The following LRRTM4 variants were observed in gnomAD, a reference collection of about 807,000 sequenced individuals.
LRRTM4 encodes the protein leucine rich repeat transmembrane neuronal 4.
A neutral mutation model predicts 47.6 loss-of-function variants in LRRTM4; 25 were observed. That is an observed-to-expected ratio of 0.53 (90% CI 0.38 to 0.73). LRRTM4 has a LOEUF of 0.73. Ranked by LOEUF, LRRTM4 falls within the 30% of genes least tolerant of loss-of-function variation. The pLI is 0.00. For synonymous variants in LRRTM4, 311 were observed against 269.5 expected (o/e 1.15, Z -1.51); for missense variants, 638 against 713.4 (o/e 0.89, Z 1.20).
At chr2:77,006,269 T>C (rs1677642079) in intron 3 of LRRTM4, among the ~76,000 whole-genome samples, 1 of 152,142 alleles carries the variant, frequency 6.6e-6, no homozygotes. Context: ...CCTAACACTT[T>C]GGGAATCTAA....
At chr2:77,017,113 T>G (rs1490379639) in intron 3 of LRRTM4, among the ~76,000 whole-genome samples, 1 of 152,138 alleles carries the variant, frequency 6.6e-6, no homozygotes, top group Non-Finnish European at 1.5e-5. Flanking sequence ...TTGATAACCC[T>G]TAAGTATCAT....
intron 3 of LRRTM4, among the ~76,000 whole-genome samples, chr2:77,170,614 G>A (rs1673019397): frequency 6.6e-6 from 1 of 152,078 alleles, no homozygotes; most frequent in Non-Finnish European, 1.5e-5. Flanking sequence ...CTAATACATG[G>A]TCATTTTTCC....
At chr2:77,025,836 T>A (rs868724056) in intron 3 of LRRTM4, among the ~76,000 whole-genome samples, 1 of 152,184 alleles carries the variant, frequency 6.6e-6, no homozygotes, top group Non-Finnish European at 1.5e-5. Context: ...TGCCATTTTA[T>A]CAACAGTTAT....
intron 3 of LRRTM4, among the ~76,000 whole-genome samples, chr2:77,159,781 G>A (rs909816702): frequency 2.6e-5 from 4 of 151,618 alleles, no homozygotes; most frequent in African/African-American, 9.7e-5. Flanking sequence ...CATGATTTCT[G>A]TATGACTTTT....
chr2:77,372,741 T>G (rs1482474885), intron 3 of LRRTM4, among the ~76,000 whole-genome samples: 2 of 151,690 alleles, frequency 1.3e-5, no homozygotes, highest in Non-Finnish European at 3.0e-5. Flanking sequence ...CTATTTCATT[T>G]TAAGCCAAGA....
At chr2:77,075,775 C>T (rs951140979) in intron 3 of LRRTM4, among the ~76,000 whole-genome samples, 5 of 149,336 alleles carry the variant, frequency 3.3e-5, no homozygotes, top group Admixed American at 1.3e-4. Context: ...ATTAGCCGGG[C>T]GTAGTGGCGG....
chr2:77,356,779 T>C lies in LRRTM4; in HGVS notation c.1551+161539A>G, dbSNP rs191882339. ...GTCCAAACACCAGGGCCAATTAGTA[T>C]TGTGATTTTATATGTTATCTCTCAA... On this transcript the variant is annotated intron_variant, in intron 3 of 3. Transcript: ENST00000409884. Among the ~76,000 whole-genome samples, 114 of 152,276 alleles carry C rather than the reference T, an allele frequency of 7.5e-4. 1 individual carries two copies. Among genetic ancestry groups the C allele is most frequent in the East Asian group, 2.7e-3 (14 of 5,176 alleles).
In LRRTM4 at chr2:76,798,995, G is replaced by T. The variant is rs1360419986; in HGVS notation, c.1552-50079C>A. Among the ~76,000 whole-genome samples, 1,443 of 150,674 alleles carry T rather than the reference G, an allele frequency of 9.6e-3. 24 individuals carry two copies. The highest frequency in any genetic ancestry group is 0.032 in the African/African-American group (1,312 of 40,904). ...ACCAAAAAGAGTCCAGGACCAGATG[G>T]ATTCACAGCCGAATTCTACCAGAGG... On this transcript the variant is annotated intron_variant, in intron 3 of 3. Coordinates refer to ENST00000409884, the MANE Select transcript of LRRTM4 (RefSeq NM_001134745.3).
intron 3 of LRRTM4, among the ~76,000 whole-genome samples, chr2:77,227,424 G>C (rs1023679565): frequency 1.6e-4 from 25 of 152,054 alleles, no homozygotes; most frequent in South Asian, 8.3e-4. Flanking sequence ...AGGCTGAAGA[G>C]TCTTAGAGCA....
chr2:77,285,796 T>C (rs1261035660), intron 3 of LRRTM4, among the ~76,000 whole-genome samples: 1 of 151,952 alleles, frequency 6.6e-6, no homozygotes, highest in Non-Finnish European at 1.5e-5. Context: ...ATAAGCAACA[T>C]ATATTTTTAG....
chr2:77,432,080 G>GA (rs1191353709), intron 3 of LRRTM4, among the ~76,000 whole-genome samples: 1 of 151,754 alleles, frequency 6.6e-6, no homozygotes, highest in Non-Finnish European at 1.5e-5. Context: ...CTCAAAAAAA[G>GA]AAAAAAAGAA....
Position 77,126,733 on chromosome 2 carries a change from T to C in LRRTM4, c.1552-377817A>G, listed in dbSNP as rs373362919. On this transcript the variant is annotated intron_variant, in intron 3 of 3. Transcript: ENST00000409884. Reference sequence around the variant, plus strand: ...TATTAATGGAGTCCTAGGGGGTTGATTTAGAAACACCTGGAAGTGGAAGAA... The same window carrying C: ...TATTAATGGAGTCCTAGGGGGTTGACTTAGAAACACCTGGAAGTGGAAGAA... Among the ~76,000 whole-genome samples the C allele has an allele frequency of 4.6e-5, 7 of 152,240 alleles. No homozygotes were observed. In the East Asian group the frequency reaches 7.7e-4, roughly 17 times the overall value.
chr2:76,851,893 T>G (rs970872492), intron 3 of LRRTM4, among the ~76,000 whole-genome samples: 1 of 152,020 alleles, frequency 6.6e-6, no homozygotes, highest in African/African-American at 2.4e-5. Context: ...TGACCCTATT[T>G]GTTAATCACA....
At chr2:77,203,272 G>A (rs1674028820) in intron 3 of LRRTM4, among the ~76,000 whole-genome samples, 1 of 151,950 alleles carries the variant, frequency 6.6e-6, no homozygotes, top group East Asian at 1.9e-4. Context: ...GGAATAGACG[G>A]GTCCCTAAAC....
intron 3 of LRRTM4, among the ~76,000 whole-genome samples, chr2:77,211,645 A>G (rs929656033): frequency 2.6e-5 from 4 of 152,146 alleles, no homozygotes; most frequent in African/African-American, 9.7e-5. Context: ...TACCCTTTTC[A>G]GGAAAATATG....
chr2:77,379,275 T>G (rs2103787815), intron 3 of LRRTM4, among the ~76,000 whole-genome samples: 1 of 152,250 alleles, frequency 6.6e-6, no homozygotes, highest in East Asian at 1.9e-4. Flanking sequence ...GAATTTTCTT[T>G]ATTAACGATT....
At chr2:77,367,940 T>G (rs1294143540) in intron 3 of LRRTM4, among the ~76,000 whole-genome samples, 1 of 151,906 alleles carries the variant, frequency 6.6e-6, no homozygotes, top group Non-Finnish European at 1.5e-5. Context: ...TCAAATACTT[T>G]TTATCTGTTT....
chr2:77,482,982 G>A (rs1379518319), intron 3 of LRRTM4, among the ~76,000 whole-genome samples: 5 of 151,432 alleles, frequency 3.3e-5, no homozygotes, highest in Non-Finnish European at 7.4e-5. Flanking sequence ...TTAGCCGGGC[G>A]TGGTGGCGGG....
chr2:76,831,824 GTATGTT>G, intron 3 of LRRTM4, among the ~76,000 whole-genome samples: 1 of 152,040 alleles, frequency 6.6e-6, no homozygotes, highest in African/African-American at 2.4e-5. Flanking sequence ...AAAAAAAATT[GTATGTT>G]TATATTTTTG....
Sources: allele counts gnomAD v4.1 joint callset (sites outside exome capture counted in the v4.1 genomes callset), GRCh38; gene constraint gnomAD v4.1.1; transcripts MANE v1.5; gene names NCBI Gene and HGNC (gene_info 2026-07-23, HGNC 2026-07-21).